PI4KA: variants seen among roughly 807,000 people sequenced by gnomAD.
The protein encoded by PI4KA is phosphatidylinositol 4-kinase alpha.
In PI4KA, 122 loss-of-function variants were observed where a neutral mutation model predicts 271.4. The ratio of observed to expected loss-of-function variants is 0.45; its 90% confidence interval spans 0.39 to 0.52. PI4KA has a LOEUF of 0.52. Ranked by LOEUF, PI4KA falls within the 20% of genes least tolerant of loss-of-function variation. The pLI, the probability that PI4KA is intolerant of heterozygous loss-of-function variation, is 0.00. For synonymous variants in PI4KA, 1,041 were observed against 1,078.8 expected (o/e 0.96, Z 0.69); for missense variants, 1,969 against 2,769.1 (o/e 0.71, Z 6.48).
chr22:20,730,845 C>T (rs1486274826), intron 36 of PI4KA, among the ~76,000 whole-genome samples: 1 of 151,990 alleles, frequency 6.6e-6, no homozygotes, highest in Non-Finnish European at 1.5e-5. Flanking sequence ...GCTGGGATTA[C>T]AGGCGTGAGT....
At position 20,751,372 on chromosome 22, in the gene PI4KA, A is replaced by C; in HGVS notation, c.3074T>G (p.Ile1025Ser). Residue 1025 changes from isoleucine to serine, a missense_variant, in exon 27 of 55, where the codon ATT becomes AGT. Physicochemically the swap from Ile to Ser is moderately radical, Grantham distance 142. Around this residue, in one of 13 missense-constraint regions of PI4KA, gnomAD observed 368 missense variants for 544.3 expected, o/e 0.68. Transcript: ENST00000255882. ...QTLSLSLSAD[I>S]HKDQPYYDIP... Reference sequence around the variant, plus strand: ...GTCATAGTAAGGCTGATCCTTGTGAATATCCTGCAAGCACAGCAAGACTCC... The same window carrying C: ...GTCATAGTAAGGCTGATCCTTGTGACTATCCTGCAAGCACAGCAAGACTCC... 6.2e-7 allele frequency: 1 copy of C among 1,613,520 alleles called. No individual in the cohort carries two copies. Among genetic ancestry groups the C allele is most frequent in the Non-Finnish European group, 8.5e-7 (1 of 1,179,716 alleles).
At chr22:20,772,431 C>T (rs1489737214) in intron 19 of PI4KA, among the ~76,000 whole-genome samples, 1 of 152,196 alleles carries the variant, frequency 6.6e-6, no homozygotes, top group Admixed American at 6.5e-5. Context: ...GCAGCCTCTG[C>T]CTGTGGTGCC....
chr22:20,813,491 T>C lies in PI4KA; in HGVS notation c.872A>G (p.Asp291Gly). 1 of 1,613,882 alleles carries C rather than the reference T, an allele frequency of 6.2e-7. No homozygotes were observed. The change falls in exon 8 of 55, where the codon GAT (aspartate) becomes GGT (glycine). Residue 291 changes from aspartate to glycine, a missense_variant. Coordinates refer to ENST00000255882, the MANE Select transcript of PI4KA (RefSeq NM_058004.4). ...GTACTCAGGCTCTAGGGCAGTCCCA[T>C]CGGGCAAGCAGGAGGCTGGTGGGAG... ...FHYFEASCLPDGTALEPEYYF... is the reference protein window; with the variant it reads ...FHYFEASCLPGGTALEPEYYF...
intron 42 of PI4KA, chr22:20,725,642 C>G: frequency 2.6e-6 from 1 of 391,794 alleles, no homozygotes; most frequent in Non-Finnish European, 5.4e-6. Context: ...GGCCTATAAT[C>G]CCAGCACTTT....
intron 42 of PI4KA, among the ~76,000 whole-genome samples, chr22:20,723,766 G>A (rs1439578443): frequency 6.6e-6 from 1 of 152,064 alleles, no homozygotes. Flanking sequence ...GGGAGGTGGA[G>A]GTTGCAGTGA....
intron 3 of PI4KA, among the ~76,000 whole-genome samples, chr22:20,824,765 CACACACACACACACAA>C (rs1348144307): frequency 1.4e-5 from 2 of 145,550 alleles, no homozygotes; most frequent in Non-Finnish European, 3.1e-5. Context: ...CACACACACA[CACACACACACACACAA>C]AACACTCGGC....
chr22:20,809,431 C>CTTT (rs361552), intron 9 of PI4KA, among the ~76,000 whole-genome samples: 1 of 148,502 alleles, frequency 6.7e-6, no homozygotes, highest in African/African-American at 2.5e-5. Flanking sequence ...TTACAAGAAA[C>CTTT]TTTTTTTTTT....
chr22:20,751,493 G>A, intron 26 of PI4KA, 117 bp from the exon 27 acceptor site: 2 of 981,590 alleles, frequency 2.0e-6, no homozygotes, highest in Non-Finnish European at 3.1e-6. Flanking sequence ...CATACTTGAT[G>A]CAACTTATTG....
At position 20,729,878 on chromosome 22, in the gene PI4KA, C is replaced by T; in HGVS notation, c.4408+14G>A. ...CTTGCATGTGATGGCCCCAGCAGCA[C>T]ACCTCCCACCGACCTGATTTCTTGG... On this transcript the variant is annotated intron_variant, in intron 37 of 54. Coordinates refer to ENST00000255882, the MANE Select transcript of PI4KA (RefSeq NM_058004.4). 1 of 1,613,988 alleles carries T rather than the reference C, an allele frequency of 6.2e-7. No homozygotes were observed.
chr22:20,832,151 T>C (rs1480147735), intron 3 of PI4KA, among the ~76,000 whole-genome samples: 1 of 151,040 alleles, frequency 6.6e-6, no homozygotes, highest in Non-Finnish European at 1.5e-5. Context: ...AGTCTTGCTC[T>C]GTTGCCCAGG....
chr22:20,759,549 G>A (rs563454714), intron 23 of PI4KA, among the ~76,000 whole-genome samples: 7 of 151,474 alleles, frequency 4.6e-5, no homozygotes, highest in South Asian at 2.1e-4. Flanking sequence ...GACTACAGGC[G>A]TGCACCACCA....
chr22:20,809,806 T>C (rs1935892124), intron 9 of PI4KA, among the ~76,000 whole-genome samples: 1 of 152,166 alleles, frequency 6.6e-6, no homozygotes. Context: ...TTATAAGAAC[T>C]CTGTTACTTA....
intron 15 of PI4KA, 92 bp from the exon 16 acceptor site, chr22:20,799,368 T>C: frequency 8.4e-7 from 1 of 1,191,620 alleles, no homozygotes; most frequent in Non-Finnish European, 1.2e-6. Context: ...AGACCTTAAT[T>C]TCATAACAGT....
chr22:20,846,664 G>A (rs1207576023), intron 1 of PI4KA, among the ~76,000 whole-genome samples: 1 of 151,490 alleles, frequency 6.6e-6, no homozygotes, highest in East Asian at 1.9e-4. Flanking sequence ...TCAATATGGT[G>A]AAACCCCATC....
Position 20,816,784 on chromosome 22 carries a change from C to G in PI4KA, c.856+1699G>C, listed in dbSNP as rs115302903. On this transcript the variant is annotated intron_variant, in intron 7 of 54. Transcript: ENST00000255882. Reference sequence around the variant, plus strand: ...CAGGCAAAGTGGGCGGCAGCCAAGTCTGATGGAGTGATACGTGGGGATCTC... The same window carrying G: ...CAGGCAAAGTGGGCGGCAGCCAAGTGTGATGGAGTGATACGTGGGGATCTC... 4.7e-3 allele frequency among the ~76,000 whole-genome samples: 721 copies of G among 152,328 alleles called. 5 individuals carry two copies. The highest frequency in any genetic ancestry group is 0.017 in the African/African-American group (691 of 41,576).
chr22:20,842,269 G>A (rs1925653413), intron 1 of PI4KA, among the ~76,000 whole-genome samples: 1 of 152,006 alleles, frequency 6.6e-6, no homozygotes, highest in South Asian at 2.1e-4. Flanking sequence ...GCTTGGAAAT[G>A]AGTTCTCCCC....
chr22:20,733,123 G>A, intron 35 of PI4KA, 25 bp from the exon 36 acceptor site: 4 of 1,611,706 alleles, frequency 2.5e-6, no homozygotes, highest in Non-Finnish European at 3.4e-6. Flanking sequence ...AAGAGGACAA[G>A]GGCTGAGTGT....
rs1925098191 is a variant in PI4KA at position 20,710,395 on chromosome 22, T to G, written c.6083+304A>C. On this transcript the variant is annotated intron_variant, in intron 52 of 54. Coordinates refer to ENST00000255882, the MANE Select transcript of PI4KA (RefSeq NM_058004.4). ...TGGGACAAAGCCCATCTTTGGCACG[T>G]AGCCTGTGGGGTGGCAGGTGCTCAG... The G allele has an allele frequency of 7.4e-6, 4 of 543,388 alleles. No individual in the cohort carries two copies. In the Admixed American group the frequency reaches 1.3e-4, roughly 17 times the overall value. 33.7% of individuals were successfully genotyped at this position (543,388 alleles called of 1,614,324 possible). A position where few individuals can be genotyped will look rare whatever the true frequency, so the allele number is the denominator to read the frequency against.
chr22:20,842,395 C>G (rs922927896), intron 1 of PI4KA, among the ~76,000 whole-genome samples: 4 of 152,144 alleles, frequency 2.6e-5, no homozygotes, highest in African/African-American at 9.7e-5. Flanking sequence ...ATTCTAACAA[C>G]AAGTCTGTGG....
Sources: allele counts gnomAD v4.1 joint callset (sites outside exome capture counted in the v4.1 genomes callset), GRCh38; gene constraint gnomAD v4.1.1; regional missense constraint gnomAD v4.1.1; transcripts MANE v1.5; gene names NCBI Gene and HGNC (gene_info 2026-07-23, HGNC 2026-07-21).